The following KANSL1 variants were observed in gnomAD, a reference collection of about 807,000 sequenced individuals.
KANSL1 encodes the protein MLL1/MLL complex subunit KANSL1.
A neutral mutation model predicts 103.6 loss-of-function variants in KANSL1; 22 were observed. The observed-to-expected ratio is 0.21, with a 90% CI of 0.15 to 0.30. The LOEUF is 0.30. Among genes scored for constraint, KANSL1 ranks in the 10% least tolerant of loss-of-function variants. The pLI is 1.00. For synonymous variants in KANSL1, 600 were observed against 527.6 expected, an observed-to-expected ratio of 1.14 and a Z score of -1.88; for missense variants, 1,337 against 1,399.8, an observed-to-expected ratio of 0.96 and a Z score of 0.72.
Position 46,050,631 on chromosome 17 carries a change from A to G in KANSL1, c.1922T>C (p.Ile641Thr), listed in dbSNP as rs757378631. Residue 641 changes from isoleucine to threonine, a missense_variant, in exon 7 of 15, where the codon ATC becomes ACC. Transcript: ENST00000432791. ...GTGAATTTCGGGAGGCATGGTGTTG[A>G]TGCTGCCTGAACCACACAGTGCGCA... ...PSCALCGSGS[I>T]NTMPPEIHYE... The G allele has an allele frequency of 1.9e-6, 3 of 1,614,204 alleles. No homozygotes were observed. The highest frequency in any genetic ancestry group is 2.2e-5 in the South Asian group (2 of 91,088).
At chr17:46,184,757 C>G (rs1047096098) in intron 1 of KANSL1, among the ~76,000 whole-genome samples, 6 of 152,184 alleles carry the variant, frequency 3.9e-5, no homozygotes, top group African/African-American at 1.4e-4. Flanking sequence ...TACCTGCACC[C>G]CCATGACACC....
chr17:46,034,461 C>T, intron 10 of KANSL1, 176 bp from the exon 11 acceptor site: 1 of 590,702 alleles, frequency 1.7e-6, no homozygotes. Context: ...AGCAAAAAAC[C>T]TCACGGAGAA....
At chr17:46,051,509 AT>A (rs1340558346) in intron 6 of KANSL1, among the ~76,000 whole-genome samples, 2 of 152,218 alleles carry the variant, frequency 1.3e-5, no homozygotes, top group African/African-American at 2.4e-5. Flanking sequence ...TGAATTCTGT[AT>A]AAAAACTGAA....
At chr17:46,076,269 C>T (rs551503703) in intron 4 of KANSL1, among the ~76,000 whole-genome samples, 8 of 151,700 alleles carry the variant, frequency 5.3e-5, no homozygotes, top group Non-Finnish European at 1.2e-4. Context: ...CCGAGGCAGG[C>T]GGATCACTTG....
chr17:46,123,656 G>A (rs536055623), intron 2 of KANSL1, among the ~76,000 whole-genome samples: 2 of 152,346 alleles, frequency 1.3e-5, no homozygotes, highest in South Asian at 4.1e-4. Flanking sequence ...GCCTAATCCA[G>A]AACAAGACCC....
intron 1 of KANSL1, among the ~76,000 whole-genome samples, chr17:46,185,975 GA>G (rs68140790): frequency 0.17 from 26,386 of 150,822 alleles, 2,623 homozygotes; most frequent in Middle Eastern, 0.26. Flanking sequence ...AAAGACAGAG[GA>G]AAAAAAAATC....
chr17:46,210,109 T>C lies in KANSL1; in HGVS notation c.-90+13562A>G, dbSNP rs572588554. Among the ~76,000 whole-genome samples the C allele has an allele frequency of 3.9e-5, 6 of 152,326 alleles. No homozygotes were observed. In the South Asian group the frequency reaches 8.3e-4, roughly 21 times the overall value. ...AGACATATCAGCATGAATAACCTTCTGAGGAAAAGACAACATGGATTCTAA... is the reference window on the plus strand; with the variant it reads ...AGACATATCAGCATGAATAACCTTCCGAGGAAAAGACAACATGGATTCTAA... On this transcript the variant is annotated intron_variant, in intron 1 of 14. Transcript: ENST00000572904.
At chr17:46,199,998 G>A (rs2147975001) in intron 1 of KANSL1, among the ~76,000 whole-genome samples, 1 of 151,450 alleles carries the variant, frequency 6.6e-6, no homozygotes, top group South Asian at 2.1e-4. Context: ...GTTTAAGCAG[G>A]ATTTTATACG....
chr17:46,160,647 T>C (rs2045685216), intron 2 of KANSL1, among the ~76,000 whole-genome samples: 1 of 152,200 alleles, frequency 6.6e-6, no homozygotes, highest in Non-Finnish European at 1.5e-5. Flanking sequence ...CTTTTACTCA[T>C]ATTGTAGGCT....
At chr17:46,096,311 C>CTTTTTCTTTTTTT (rs1555760872) in intron 2 of KANSL1, among the ~76,000 whole-genome samples, 2 of 76,408 alleles carry the variant, frequency 2.6e-5, no homozygotes, top group African/African-American at 1.1e-4. Flanking sequence ...GCTTTTTTTT[C>CTTTTTCTTTTTTT]TTTTTTTTTT....
At chr17:46,206,490 C>G (rs1289366768) in intron 1 of KANSL1, among the ~76,000 whole-genome samples, 2 of 152,234 alleles carry the variant, frequency 1.3e-5, no homozygotes, top group Non-Finnish European at 2.9e-5. Flanking sequence ...TTTGGGGAGG[C>G]TGAGACAGGA....
chr17:46,074,792 T>C (rs967312375), intron 4 of KANSL1, among the ~76,000 whole-genome samples: 2 of 150,612 alleles, frequency 1.3e-5, no homozygotes, highest in African/African-American at 4.9e-5. Context: ...AATAAATAAA[T>C]AAATAAATAA....
At chr17:46,185,455 T>C (rs1352894519) in intron 1 of KANSL1, among the ~76,000 whole-genome samples, 1 of 152,214 alleles carries the variant, frequency 6.6e-6, no homozygotes, top group Non-Finnish European at 1.5e-5. Context: ...CACAGCATTA[T>C]AAAGGTAATA....
intron 2 of KANSL1, among the ~76,000 whole-genome samples, chr17:46,115,138 C>A (rs547392122): frequency 7.9e-5 from 12 of 152,148 alleles, no homozygotes; most frequent in Non-Finnish European, 1.5e-4. Context: ...TGGCTCACTG[C>A]AACCTCCACC....
chr17:46,089,210 TAA>T (rs1298413471), intron 3 of KANSL1, among the ~76,000 whole-genome samples: 5 of 152,122 alleles, frequency 3.3e-5, no homozygotes, highest in African/African-American at 1.2e-4. Flanking sequence ...CTATGAAAAT[TAA>T]AAGAGTACAA....
intron 5 of KANSL1, 98 bp from the exon 6 acceptor site, chr17:46,066,830 T>C: frequency 1.2e-6 from 1 of 809,782 alleles, no homozygotes; most frequent in Non-Finnish European, 1.9e-6. Flanking sequence ...TTATACTAGT[T>C]CAACCTCTAT....
At chr17:46,140,470 C>T (rs576055883) in intron 2 of KANSL1, among the ~76,000 whole-genome samples, 10 of 152,036 alleles carry the variant, frequency 6.6e-5, no homozygotes, top group Non-Finnish European at 1.5e-4. Context: ...GGAGTAAATT[C>T]TTCATGAACT....
intron 6 of KANSL1, among the ~76,000 whole-genome samples, chr17:46,060,857 T>C (rs953580067): frequency 1.3e-5 from 2 of 152,130 alleles, no homozygotes; most frequent in East Asian, 1.9e-4. Context: ...TGTGATACAA[T>C]GGGAAGAAGA....
intron 2 of KANSL1, among the ~76,000 whole-genome samples, chr17:46,143,988 T>C (rs538001597): frequency 4.6e-5 from 7 of 152,168 alleles, no homozygotes; most frequent in Non-Finnish European, 1.0e-4. Context: ...AAGGGAGTAT[T>C]TTCTACAGTG....
Sources: allele counts gnomAD v4.1 joint callset (sites outside exome capture counted in the v4.1 genomes callset), GRCh38; gene constraint gnomAD v4.1.1; transcripts MANE v1.5; gene names NCBI Gene and HGNC (gene_info 2026-07-23, HGNC 2026-07-21).